Variants in ZCCHC7 observed in about 807,000 individuals in gnomAD.
ZCCHC7 encodes zinc finger CCHC-type containing 7, also known as zinc finger CCHC domain-containing protein 7.
ZCCHC7 carries 35 observed loss-of-function variants against 52.0 expected under a neutral mutation model. The ratio of observed to expected loss-of-function variants is 0.67; its 90% CI spans 0.51 to 0.89. The LOEUF (loss-of-function observed/expected upper bound fraction) is 0.89. Among genes scored for constraint, ZCCHC7 ranks in the 40% least tolerant of loss-of-function variants. ZCCHC7 has a pLI of 0.00. For synonymous variants in ZCCHC7, 217 were observed against 221.5 expected, an observed-to-expected ratio of 0.98 and a Z score of 0.18; for missense variants, 574 against 649.1, an observed-to-expected ratio of 0.88 and a Z score of 1.26.
chr9:37,338,538 A>G lies in ZCCHC7; in HGVS notation c.987+10704A>G, dbSNP rs772296159. ...GGTTTATAAAATTTCAGTGTATCCAAAAGAGAAGTAGGGAGGAAGTTACAG... is the reference window on the plus strand; with the variant it reads ...GGTTTATAAAATTTCAGTGTATCCAGAAGAGAAGTAGGGAGGAAGTTACAG... On this transcript the variant is annotated intron_variant, in intron 6 of 8. Transcript: ENST00000336755. 5.9e-5 allele frequency among the ~76,000 whole-genome samples: 9 copies of G among 152,148 alleles called. No homozygotes were observed. The South Asian group carries it at 1.7e-3, about 28-fold the overall frequency.
intron 2 of ZCCHC7, among the ~76,000 whole-genome samples, chr9:37,278,014 TTG>T (rs1554723029): frequency 1.1e-4 from 16 of 144,988 alleles, no homozygotes; most frequent in Admixed American, 6.2e-4. Context: ...GTTTTTTTGT[TTG>T]TGTGTGTGTG....
At chr9:37,187,547 C>T (rs1428425026) in intron 2 of ZCCHC7, among the ~76,000 whole-genome samples, 1 of 152,170 alleles carries the variant, frequency 6.6e-6, no homozygotes, top group Non-Finnish European at 1.5e-5. Context: ...TTGGGGACCC[C>T]TTGTCTTGAC....
intron 2 of ZCCHC7, among the ~76,000 whole-genome samples, chr9:37,174,450 T>C (rs1028175129): frequency 1.3e-5 from 2 of 152,216 alleles, no homozygotes; most frequent in African/African-American, 4.8e-5. Context: ...GAGTAATTGT[T>C]GATTGTACAG....
At chr9:37,184,207 A>T (rs191860732) in intron 2 of ZCCHC7, among the ~76,000 whole-genome samples, 1 of 152,294 alleles carries the variant, frequency 6.6e-6, no homozygotes, top group African/African-American at 2.4e-5. Context: ...TTTGTGTCAT[A>T]CTTTGTTATG....
intron 2 of ZCCHC7, among the ~76,000 whole-genome samples, chr9:37,204,195 T>A (rs1425378551): frequency 6.6e-6 from 1 of 152,234 alleles, no homozygotes; most frequent in African/African-American, 2.4e-5. Context: ...CTTTGTAAAT[T>A]CTGGATATTA....
chr9:37,142,149 T>TTTTACCA (rs1414926524), intron 2 of ZCCHC7, among the ~76,000 whole-genome samples: 7 of 151,784 alleles, frequency 4.6e-5, no homozygotes, highest in African/African-American at 1.7e-4. Context: ...AAGAGATCCT[T>TTTTACCA]TTTACCATTT....
At chr9:37,235,415 A>G (rs1825595744) in intron 2 of ZCCHC7, among the ~76,000 whole-genome samples, 1 of 151,970 alleles carries the variant, frequency 6.6e-6, no homozygotes, top group African/African-American at 2.4e-5. Context: ...TTATCCATGT[A>G]GCCAAAAAGG....
intron 2 of ZCCHC7, among the ~76,000 whole-genome samples, chr9:37,264,329 C>G (rs1826999749): frequency 6.6e-6 from 1 of 151,998 alleles, no homozygotes; most frequent in Non-Finnish European, 1.5e-5. Context: ...ATATGACATT[C>G]CCAAAACGGA....
chr9:37,321,892 C>T (rs916824853), intron 5 of ZCCHC7, among the ~76,000 whole-genome samples: 2 of 152,088 alleles, frequency 1.3e-5, no homozygotes, highest in African/African-American at 4.8e-5. Context: ...TAGTATAGAA[C>T]CTTTGCAGAC....
At chr9:37,191,912 T>C (rs953673114) in intron 2 of ZCCHC7, among the ~76,000 whole-genome samples, 2 of 152,200 alleles carry the variant, frequency 1.3e-5, no homozygotes, top group Non-Finnish European at 2.9e-5. Context: ...GCATTGTTTG[T>C]GAAAGTCCTT....
At chr9:37,272,982 G>A (rs187714874) in intron 2 of ZCCHC7, among the ~76,000 whole-genome samples, 1 of 152,330 alleles carries the variant, frequency 6.6e-6, no homozygotes, top group Admixed American at 6.5e-5. Context: ...ATATTCTTGT[G>A]CATATCTCTT....
At chr9:37,142,382 T>G (rs1190959399) in intron 2 of ZCCHC7, among the ~76,000 whole-genome samples, 1 of 151,814 alleles carries the variant, frequency 6.6e-6, no homozygotes, top group Non-Finnish European at 1.5e-5. Flanking sequence ...AGGGCAAGCC[T>G]TCTTTCTGTG....
At chr9:37,248,876 T>C (rs1015450219) in intron 2 of ZCCHC7, among the ~76,000 whole-genome samples, 1 of 151,894 alleles carries the variant, frequency 6.6e-6, no homozygotes, top group African/African-American at 2.4e-5. Context: ...GCCCAACTGA[T>C]AACTATTTTT....
At chr9:37,134,849 C>T (rs1178002436) in intron 2 of ZCCHC7, among the ~76,000 whole-genome samples, 2 of 152,174 alleles carry the variant, frequency 1.3e-5, no homozygotes, top group East Asian at 1.9e-4. Flanking sequence ...CCTCAGCCTC[C>T]CGAGTAGCTA....
At chr9:37,151,088 C>T (rs559191047) in intron 2 of ZCCHC7, among the ~76,000 whole-genome samples, 3 of 151,892 alleles carry the variant, frequency 2.0e-5, no homozygotes, top group African/African-American at 7.2e-5. Context: ...CCTAAGCCTC[C>T]CGAGTAGCTG....
At chr9:37,264,113 C>A (rs1425373578) in intron 2 of ZCCHC7, among the ~76,000 whole-genome samples, 1 of 152,060 alleles carries the variant, frequency 6.6e-6, no homozygotes, top group Non-Finnish European at 1.5e-5. Flanking sequence ...CTTTCAAGAC[C>A]TGATTTTGAA....
chr9:37,301,445 T>C (rs546452803), intron 2 of ZCCHC7, among the ~76,000 whole-genome samples: 2 of 152,084 alleles, frequency 1.3e-5, no homozygotes, highest in Non-Finnish European at 1.5e-5. Context: ...AAAAAAATTA[T>C]AAAAATTAGC....
chr9:37,120,725 C>T, intron 1 of ZCCHC7, 102 bp downstream of exon 1: 1 of 360,286 alleles, frequency 2.8e-6, no homozygotes, highest in Non-Finnish European at 5.0e-6. Flanking sequence ...GCCCCCTCGC[C>T]GGCCTCGACG....
intron 1 of ZCCHC7, among the ~76,000 whole-genome samples, chr9:37,124,959 C>T (rs1842480246): frequency 6.6e-6 from 1 of 152,182 alleles, no homozygotes; most frequent in Non-Finnish European, 1.5e-5. Context: ...TCAAGCTATT[C>T]TTGTGCCTCC....
Sources: gnomAD v4.1 joint callset for allele counts (sites outside exome capture counted in the v4.1 genomes callset) on GRCh38, gnomAD v4.1.1 for gene constraint, MANE v1.5 for transcripts, NCBI Gene and HGNC (gene_info 2026-07-23, HGNC 2026-07-21) for gene names.